FHIT: variants seen among roughly 807,000 people sequenced by gnomAD.
FHIT encodes fragile histidine triad diadenosine triphosphatase, also known as bis(5'-adenosyl)-triphosphatase.
In FHIT, 19 loss-of-function variants were observed where a neutral mutation model predicts 17.9. The ratio of observed to expected loss-of-function variants is 1.06; its 90% CI spans 0.74 to 1.56. FHIT has a LOEUF of 1.56. FHIT is among the 40% of genes most tolerant of loss of function. The pLI, the probability that FHIT is intolerant of heterozygous loss-of-function variation, is 0.00. For synonymous variants in FHIT, 81 were observed against 69.7 expected (o/e 1.16, Z -0.81); for missense variants, 248 against 189.2 (o/e 1.31, Z -1.82).
chr3:60,360,570 G>A (rs967391130), intron 5 of FHIT, among the ~76,000 whole-genome samples: 1 of 152,120 alleles, frequency 6.6e-6, no homozygotes, highest in Non-Finnish European at 1.5e-5. Flanking sequence ...TTCACTCTGA[G>A]CACCCACAAA....
chr3:59,821,524 A>G (rs367833431), intron 8 of FHIT, among the ~76,000 whole-genome samples: 5 of 152,284 alleles, frequency 3.3e-5, no homozygotes, highest in African/African-American at 1.2e-4. Flanking sequence ...CACAGAGCAG[A>G]TGGGATGCTA....
At chr3:60,137,134 A>G (rs1399331498) in intron 5 of FHIT, among the ~76,000 whole-genome samples, 1 of 152,248 alleles carries the variant, frequency 6.6e-6, no homozygotes, top group Non-Finnish European at 1.5e-5. Flanking sequence ...ATGCACGGAA[A>G]CAACAAACTT....
At position 60,672,797 on chromosome 3, in the gene FHIT, C is replaced by G. The variant is rs567142586; in HGVS notation, c.-17-135818G>C. ...TTCCTTCTTCCTTCTTTCTTGCCTT[C>G]TTTCTGTTAAAATGCATATTTCTAA... On this transcript the variant is annotated intron_variant, in intron 4 of 9. Coordinates refer to ENST00000492590, the MANE Select transcript of FHIT (RefSeq NM_002012.4). Among the ~76,000 whole-genome samples the G allele has an allele frequency of 2.0e-4, 30 of 151,368 alleles. No homozygotes were observed. In the South Asian group the frequency reaches 4.8e-3, roughly 24 times the overall value.
At chr3:59,949,725 T>C (rs3821476) in intron 7 of FHIT, among the ~76,000 whole-genome samples, 80,427 of 152,118 alleles carry the variant, frequency 0.53, 24,161 homozygotes, top group Middle Eastern at 0.71. Flanking sequence ...TAAGAACACA[T>C]ACATTTCAGA....
chr3:59,753,669 T>C (rs72884777), intron 8 of FHIT, among the ~76,000 whole-genome samples: 6,512 of 152,264 alleles, frequency 0.043, 467 homozygotes, highest in African/African-American at 0.15. Flanking sequence ...CTAGCATTTA[T>C]GATGTGAAAG....
chr3:60,643,717 T>C (rs1394138784), intron 4 of FHIT, among the ~76,000 whole-genome samples: 2 of 152,234 alleles, frequency 1.3e-5, no homozygotes, highest in Non-Finnish European at 2.9e-5. Context: ...CTCAATTATT[T>C]ATACTCCTTC....
intron 4 of FHIT, among the ~76,000 whole-genome samples, chr3:60,817,390 T>G (rs1274105649): frequency 6.6e-6 from 1 of 152,076 alleles, no homozygotes; most frequent in Admixed American, 6.5e-5. Context: ...ATCTTTCCTT[T>G]AGCATTTCTG....
In FHIT at chr3:61,051,035, C is replaced by T. The variant is rs1243084339; in HGVS notation, c.-163-8936G>A. The stretch of plus-strand genomic sequence containing the variant: ...ACACGTGCAGACAAACAACAGTTGT[C>T]CCAACTGCTACCTATCTGAAGTGAT... On this transcript the variant is annotated intron_variant, in intron 2 of 9. Coordinates refer to ENST00000492590, the MANE Select transcript of FHIT (RefSeq NM_002012.4). Among the ~76,000 whole-genome samples the T allele has an allele frequency of 2.0e-5, 3 of 152,092 alleles. No homozygotes were observed. The East Asian group carries it at 5.8e-4, about 29-fold the overall frequency.
At chr3:61,064,559 A>T (rs560232021) in intron 2 of FHIT, among the ~76,000 whole-genome samples, 1 of 152,272 alleles carries the variant, frequency 6.6e-6, no homozygotes, top group African/African-American at 2.4e-5. Flanking sequence ...CTAATGAAGG[A>T]TCTCACTTTC....
chr3:60,998,810 C>T (rs753283071), intron 3 of FHIT, among the ~76,000 whole-genome samples: 1 of 151,928 alleles, frequency 6.6e-6, no homozygotes, highest in African/African-American at 2.4e-5. Context: ...ATATATAACA[C>T]CTTCATAGTA....
intron 4 of FHIT, among the ~76,000 whole-genome samples, chr3:60,585,508 C>T (rs1304572167): frequency 6.6e-6 from 1 of 151,910 alleles, no homozygotes; most frequent in African/African-American, 2.4e-5. Context: ...ACACATTCTG[C>T]AACAAAATAT....
chr3:60,915,356 C>T (rs1706946480), intron 3 of FHIT, among the ~76,000 whole-genome samples: 1 of 152,086 alleles, frequency 6.6e-6, no homozygotes, highest in Admixed American at 6.6e-5. Flanking sequence ...TGCTCTTTAC[C>T]TTGTTGGGGA....
At chr3:60,416,952 G>A (rs1234003147) in intron 5 of FHIT, among the ~76,000 whole-genome samples, 2 of 152,010 alleles carry the variant, frequency 1.3e-5, no homozygotes, top group Non-Finnish European at 2.9e-5. Context: ...AGCCGGGCGT[G>A]GTGGCAGGCG....
intron 5 of FHIT, among the ~76,000 whole-genome samples, chr3:60,237,872 A>C (rs914761866): frequency 3.9e-5 from 6 of 152,164 alleles, no homozygotes; most frequent in African/African-American, 7.2e-5. Context: ...ATGGTGGCTT[A>C]TGCCTATAAT....
chr3:60,587,096 C>G (rs2037931367), intron 4 of FHIT, among the ~76,000 whole-genome samples: 2 of 151,836 alleles, frequency 1.3e-5, no homozygotes, highest in South Asian at 4.2e-4. Flanking sequence ...AATCATGGAA[C>G]CAACCCAAAT....
intron 5 of FHIT, among the ~76,000 whole-genome samples, chr3:60,336,507 T>C (rs1710247854): frequency 6.6e-6 from 1 of 152,178 alleles, no homozygotes; most frequent in African/African-American, 2.4e-5. Context: ...CCTTATAAAT[T>C]TCAAGATCTC....
At chr3:60,870,779 C>T (rs1269553995) in intron 3 of FHIT, among the ~76,000 whole-genome samples, 4 of 152,058 alleles carry the variant, frequency 2.6e-5, no homozygotes, top group Non-Finnish European at 5.9e-5. Flanking sequence ...ACAAAGGGGC[C>T]TTCTAGGTTA....
intron 7 of FHIT, among the ~76,000 whole-genome samples, chr3:59,952,391 C>T (rs1707162620): frequency 1.3e-5 from 2 of 152,002 alleles, no homozygotes; most frequent in African/African-American, 4.8e-5. Flanking sequence ...ATGCAGACAT[C>T]TCCCCACTCC....
intron 5 of FHIT, among the ~76,000 whole-genome samples, chr3:60,173,642 A>G (rs1349890973): frequency 1.3e-5 from 2 of 151,592 alleles, no homozygotes; most frequent in Non-Finnish European, 2.9e-5. Context: ...GAGATCAACG[A>G]AGCATGAAAT....
Sources: gnomAD v4.1 joint callset for allele counts (sites outside exome capture counted in the v4.1 genomes callset) on GRCh38, gnomAD v4.1.1 for gene constraint, MANE v1.5 for transcripts, NCBI Gene and HGNC (gene_info 2026-07-23, HGNC 2026-07-21) for gene names.